The following MTFP1 variants were observed in gnomAD, a reference collection of about 807,000 sequenced individuals.
The protein encoded by MTFP1 is mitochondrial fission process 1, also known as mitochondrial fission process protein 1.
Under a neutral mutation model 17.1 loss-of-function variants are expected in MTFP1, and 19 were observed. The observed-to-expected ratio is 1.11, with a 90% CI of 0.77 to 1.63. The LOEUF (loss-of-function observed/expected upper bound fraction) is 1.63. MTFP1 is among the 40% of genes most tolerant of loss of function. The pLI is 0.00. For synonymous variants in MTFP1, 89 were observed against 95.2 expected, an observed-to-expected ratio of 0.93 and a Z score of 0.38; for missense variants, 221 against 226.2, an observed-to-expected ratio of 0.98 and a Z score of 0.15.
At chr22:30,426,950 A>C (rs1471456377) in intron 2 of MTFP1, 106 bp downstream of exon 2, 1 of 1,557,308 alleles carries the variant, frequency 6.4e-7, no homozygotes, top group Admixed American at 1.7e-5. Flanking sequence ...TCCAGTCCCT[A>C]CAACCTTGCC....
Position 30,428,702 on chromosome 22 carries a change from G to A in MTFP1, c.*168G>A. On this transcript the variant is annotated 3_prime_UTR_variant, in exon 4 of 4. Coordinates refer to ENST00000266263, the MANE Select transcript of MTFP1 (RefSeq NM_016498.5). ...ACAAAGGCTTCAAGAAGCAGTGGCT[G>A]CAGGGAGTCACAGAAGGGCAGGACC... 1 of 1,602,662 alleles carries A rather than the reference G, an allele frequency of 6.2e-7. No individual in the cohort carries two copies.
intron 1 of MTFP1, among the ~76,000 whole-genome samples, 175 bp from the exon 2 acceptor site, chr22:30,426,542 C>T (rs1934671727): frequency 6.6e-6 from 1 of 152,112 alleles, no homozygotes; most frequent in Admixed American, 6.5e-5. Flanking sequence ...GGCCCGAGTC[C>T]GAGGTGGGCA....
intron 1 of MTFP1, 31 bp from the exon 2 acceptor site, chr22:30,426,686 G>A (rs749024652): frequency 2.4e-5 from 38 of 1,612,208 alleles, no homozygotes; most frequent in Non-Finnish European, 3.1e-5. Flanking sequence ...GAACAGTTGC[G>A]AGCCTAGGAA....
intron 2 of MTFP1, 100 bp downstream of exon 2, chr22:30,426,944 G>A: frequency 6.4e-7 from 1 of 1,569,030 alleles, no homozygotes; most frequent in South Asian, 1.1e-5. Context: ...GGACACTCCA[G>A]TCCCTACAAC....
Position 30,426,766 on chromosome 22 carries a change from G to T in MTFP1, c.117G>T (p.Ala39=). The part of the protein sequence containing the change: ...GEAFRSLVPA[A]VVWLSYGVAS... ...CTTTCCGCTCTCTTGTGCCAGCGGC[G>T]GTGGTGTGGCTGAGCTATGGCGTGG... The change falls in exon 2 of 4, where the codon GCG becomes GCT. Residue 39 remains alanine, a synonymous_variant. Transcript: ENST00000266263. 1 of 1,614,078 alleles carries T rather than the reference G, an allele frequency of 6.2e-7. No individual in the cohort carries two copies. The highest frequency in any genetic ancestry group is 1.7e-5 in the Admixed American group (1 of 60,028).
rs1934718283 is a variant in MTFP1 at position 30,428,985 on chromosome 22, G to GT, written c.*452dup. 2 of 410,332 alleles carry GT rather than the reference G, an allele frequency of 4.9e-6. No individual in the cohort carries two copies. Among genetic ancestry groups the GT allele is most frequent in the Admixed American group, 3.7e-5 (1 of 27,276 alleles). 25.4% of individuals were successfully genotyped at this position (410,332 alleles called of 1,614,324 possible). A position where few individuals can be genotyped will look rare whatever the true frequency, so the allele number is the denominator to read the frequency against. On this transcript the variant is annotated 3_prime_UTR_variant, in exon 4 of 4. Coordinates refer to ENST00000266263, the MANE Select transcript of MTFP1 (RefSeq NM_016498.5). The stretch of plus-strand genomic sequence containing the variant: ...ACTCAGGGAGAAACTCAGGAGTGCA[G>GT]TACCAGGGACACCTCAGGACAGATT...
In MTFP1 at chr22:30,427,330, C is replaced by T. The variant is rs1934692015; in HGVS notation, c.355C>T (p.Leu119=). The T allele has an allele frequency of 6.2e-7, 1 of 1,614,044 alleles. No homozygotes were observed. Among genetic ancestry groups the T allele is most frequent in the South Asian group, 1.1e-5 (1 of 91,090 alleles). The change falls in exon 3 of 4, where the codon CTG becomes TTG. Residue 119 remains leucine (L), a synonymous_variant. Transcript: ENST00000266263. ...YVLGTATRWP[L]AVRKWTTTAL... is the part of the protein sequence containing the mutation. ...CCTGGGCACTGCCACCCGCTGGCCC[C>T]TGGCTGTCCGCAAGTGGACCACCAC...
rs765105065 is a variant in MTFP1 at position 30,428,527 on chromosome 22, C to A, written c.494C>A (p.Ser165Tyr). The A allele has an allele frequency of 6.2e-7, 1 of 1,614,170 alleles. No individual in the cohort carries two copies. ...TACCCAACAGTGGGGAAGCCCAGCT[C>A]CTCCTGATCATACTCTGGTACCTGG... Reference protein sequence around the residue: ...KLYPTVGKPSSS With the variant: ...KLYPTVGKPSYS The change falls in exon 4 of 4, where the codon TCC (serine) becomes TAC (tyrosine). Residue 165 changes from serine (S) to tyrosine (Y), a missense_variant. Transcript: ENST00000266263.
At position 30,425,900 on chromosome 22, in the gene MTFP1, G is replaced by A; in HGVS notation, c.21G>A (p.Arg7=). Reference sequence around the variant, plus strand: ...GAGTCATGTCAGAGCCGCAGCCGCGGGGCGCAGAGCGCGATCTCTACCGGG... The same window carrying A: ...GAGTCATGTCAGAGCCGCAGCCGCGAGGCGCAGAGCGCGATCTCTACCGGG... MSEPQP[R]GAERDLYRDT... Residue 7 remains arginine (R), a synonymous_variant, in exon 1 of 4, where the codon CGG becomes CGA. Coordinates refer to ENST00000266263, the MANE Select transcript of MTFP1 (RefSeq NM_016498.5). The A allele has an allele frequency of 6.5e-7, 1 of 1,533,942 alleles. No individual in the cohort carries two copies. The highest frequency in any genetic ancestry group is 8.8e-7 in the Non-Finnish European group (1 of 1,141,002).
At position 30,428,266 on chromosome 22, in the gene MTFP1, G is replaced by A. The variant is rs960895854; in HGVS notation, c.429-196G>A. On this transcript the variant is annotated intron_variant, in intron 3 of 3. Transcript: ENST00000266263. ...TTTCCTCCTGAATAAAGAAGAGGAT[G>A]GCTTCTATTCTGGGAGTTTGATTCT... is the stretch of plus-strand genomic sequence containing the variant. 2.6e-5 allele frequency among the ~76,000 whole-genome samples: 4 copies of A among 152,200 alleles called. No individual in the cohort carries two copies. In the South Asian group the frequency reaches 8.3e-4, roughly 32 times the overall value.
Position 30,428,508 on chromosome 22 carries a change from A to G in MTFP1, c.475A>G (p.Thr159Ala). ...LDSSLRKLYPTVGKPSSS is the reference protein window; with the variant it reads ...LDSSLRKLYPAVGKPSSS ...CTCCAGCCTGCGCAAGCTCTACCCAACAGTGGGGAAGCCCAGCTCCTCCTG... is the reference window on the plus strand; with the variant it reads ...CTCCAGCCTGCGCAAGCTCTACCCAGCAGTGGGGAAGCCCAGCTCCTCCTG... Residue 159 changes from threonine to alanine, a missense_variant, in exon 4 of 4, where the codon ACA becomes GCA. Coordinates refer to ENST00000266263, the MANE Select transcript of MTFP1 (RefSeq NM_016498.5). 1 of 1,613,980 alleles carries G rather than the reference A, an allele frequency of 6.2e-7. No individual in the cohort carries two copies. Among genetic ancestry groups the G allele is most frequent in the Non-Finnish European group, 8.5e-7 (1 of 1,179,974 alleles).
At position 30,428,514 on chromosome 22, in the gene MTFP1, G is replaced by A; in HGVS notation, c.481G>A (p.Gly161Arg). The A allele has an allele frequency of 2.5e-6, 4 of 1,614,126 alleles. No homozygotes were observed. The Middle Eastern group carries it at 6.6e-4, about 266-fold the overall frequency. ...CCTGCGCAAGCTCTACCCAACAGTG[G>A]GGAAGCCCAGCTCCTCCTGATCATA... ...SSLRKLYPTV[G>R]KPSSS The change falls in exon 4 of 4, where the codon GGG (glycine) becomes AGG (arginine). Residue 161 changes from glycine to arginine, a missense_variant. Coordinates refer to ENST00000266263, the MANE Select transcript of MTFP1 (RefSeq NM_016498.5).
rs538604306 is a variant in MTFP1, at chr22:30,428,728, T to G, written c.*194T>G. 1.6e-4 allele frequency: 249 copies of G among 1,533,990 alleles called. 2 individuals carry two copies. Among genetic ancestry groups the G allele is most frequent in the South Asian group, 1.3e-3 (111 of 88,564 alleles). ...CAGGGAGTCACAGAAGGGCAGGACC[T>G]GAACGCTGTCTGCTTCCCTGGAATC... On this transcript the variant is annotated 3_prime_UTR_variant, in exon 4 of 4. Coordinates refer to ENST00000266263, the MANE Select transcript of MTFP1 (RefSeq NM_016498.5).
intron 3 of MTFP1, 144 bp downstream of exon 3, chr22:30,427,547 C>A: frequency 2.3e-6 from 2 of 872,850 alleles, no homozygotes; most frequent in Non-Finnish European, 3.6e-6. Context: ...TGGCACTTGG[C>A]TCCTGGGTTA....
Position 30,427,171 on chromosome 22 carries a change from G to T in MTFP1, c.196G>T (p.Val66Leu). The T allele has an allele frequency of 6.2e-7, 1 of 1,614,036 alleles. No homozygotes were observed. The change falls in exon 3 of 4, where the codon GTG (valine) becomes TTG (leucine). Residue 66 changes from valine (V) to leucine (L), a missense_variant and splice_region_variant. Physicochemically the swap from Val to Leu is conservative, Grantham distance 32 (BLOSUM62 1). Transcript: ENST00000266263. ...GATTAAGTGTCTCTGCGCCCACCAG[G>T]TGCCCAGCCCTGAAGCAGGCCGCAG... ...AIDKGKKAGE[V>L]PSPEAGRSAR...
intron 1 of MTFP1, among the ~76,000 whole-genome samples, 169 bp downstream of exon 1, chr22:30,426,115 A>C (rs932872885): frequency 3.3e-5 from 5 of 152,156 alleles, no homozygotes; most frequent in African/African-American, 1.2e-4. Context: ...CCAAGGTCAC[A>C]CTACCCTGGT....
At position 30,427,159 on chromosome 22, in the gene MTFP1, T is replaced by A. The variant is rs1203597428; in HGVS notation, c.196-12T>A. On this transcript the variant is annotated splice_polypyrimidine_tract_variant and intron_variant, in intron 2 of 3. Coordinates refer to ENST00000266263, the MANE Select transcript of MTFP1 (RefSeq NM_016498.5). ...CTGCCCCAGCTGGATTAAGTGTCTC[T>A]GCGCCCACCAGGTGCCCAGCCCTGA... 6.2e-7 allele frequency: 1 copy of A among 1,613,842 alleles called. No homozygotes were observed. The highest frequency in any genetic ancestry group is 1.1e-5 in the South Asian group (1 of 91,078).
intron 3 of MTFP1, among the ~76,000 whole-genome samples, chr22:30,427,849 T>C (rs939536344): frequency 6.6e-6 from 1 of 152,164 alleles, no homozygotes; most frequent in Non-Finnish European, 1.5e-5. Context: ...AATTATGTCA[T>C]TAGGGGTCTG....
intron 3 of MTFP1, among the ~76,000 whole-genome samples, chr22:30,428,202 C>G (rs1934704418): frequency 6.6e-6 from 1 of 152,170 alleles, no homozygotes; most frequent in Admixed American, 6.6e-5. Context: ...AGATAGCTGA[C>G]CCTGAGGCCC....
Sources: gnomAD v4.1 joint callset for allele counts (sites outside exome capture counted in the v4.1 genomes callset) on GRCh38, gnomAD v4.1.1 for gene constraint, MANE v1.5 for transcripts, NCBI Gene and HGNC (gene_info 2026-07-23, HGNC 2026-07-21) for gene names.